BPHL: variants seen among roughly 807,000 people sequenced by gnomAD.
The protein encoded by BPHL is biphenyl hydrolase like, also known as serine hydrolase BPHL.
Under a neutral mutation model 31.2 loss-of-function variants are expected in BPHL, and 27 were observed. The observed-to-expected ratio is 0.87, with a 90% CI of 0.64 to 1.19. The LOEUF (loss-of-function observed/expected upper bound fraction) is 1.19, where lower values mean the gene tolerates loss of function less well. Ranked by LOEUF, BPHL falls within the 50% of genes most tolerant of loss-of-function variation. BPHL has a pLI of 0.00. For missense variants in BPHL, 356 were observed against 375.7 expected (o/e 0.95, Z 0.43); for synonymous variants, 150 against 146.8 (o/e 1.02, Z -0.16).
rs1327441815 is a variant in BPHL, at chr6:3,119,609, G to C, written c.107+762G>C. ...GAGATACTGGGCAGAAATGTGGATA[G>C]AGCGGCATGAAGCTTGTTTTACTTT... is the stretch of plus-strand genomic sequence containing the variant. On this transcript the variant is annotated intron_variant, in intron 1 of 6. Coordinates refer to ENST00000380379, the MANE Select transcript of BPHL (RefSeq NM_004332.4). 4.6e-6 allele frequency: 7 copies of C among 1,507,114 alleles called. No individual in the cohort carries two copies. The African/African-American group carries it at 9.8e-5, about 21-fold the overall frequency. 93.4% of individuals were successfully genotyped at this position (1,507,114 alleles called of 1,614,324 possible). A position where few individuals can be genotyped will look rare whatever the true frequency, so the allele number is the denominator to read the frequency against.
Position 3,140,130 on chromosome 6 carries a change from G to A in BPHL, c.665-256G>A, listed in dbSNP as rs561376370. The A allele has an allele frequency of 1.1e-4, 55 of 494,156 alleles. No individual in the cohort carries two copies. The highest frequency in any genetic ancestry group is 8.8e-4 in the African/African-American group (45 of 51,364). 30.6% of individuals were successfully genotyped at this position (494,156 alleles called of 1,614,324 possible). ...ATTTGATTTTCCTACTATTTTATGC[G>A]AATTTAAATCAGGCTGCTTATTTAC... is the stretch of plus-strand genomic sequence containing the variant. On this transcript the variant is annotated intron_variant, in intron 5 of 6. Transcript: ENST00000380379. The surrounding 1 kb of genome is among the most constrained non-coding windows in gnomAD (Gnocchi z 5.2).
chr6:3,152,250 G>A (rs545363662), intron 6 of BPHL, among the ~76,000 whole-genome samples: 1 of 152,296 alleles, frequency 6.6e-6, no homozygotes, highest in South Asian at 2.1e-4. Context: ...ATGTGTGTCT[G>A]CTACTGTTAA....
At chr6:3,146,038 G>GT (rs1441760146) in intron 6 of BPHL, among the ~76,000 whole-genome samples, 1 of 54,298 alleles carries the variant, frequency 1.8e-5, no homozygotes, top group Non-Finnish European at 4.4e-5. Flanking sequence ...GCTGGTTCGG[G>GT]TGGAGTGCTG....
intron 1 of BPHL, 73 bp downstream of exon 1, chr6:3,118,920 C>T (rs887354480): frequency 1.7e-6 from 2 of 1,163,866 alleles, no homozygotes; most frequent in African/African-American, 3.2e-5. Flanking sequence ...GGGCGCGTGC[C>T]GACAGCAGGA....
chr6:3,140,393 CT>C lies in BPHL; in HGVS notation c.673del (p.Cys225AlafsTer13), dbSNP rs763146466. ...GTGCTGTGTATCCGTCAGGTAACATCTGCCGGCACCTGCTGCCCCGGGTCCA... is the reference window on the plus strand; with the variant it reads ...GTGCTGTGTATCCGTCAGGTAACATCGCCGGCACCTGCTGCCCCGGGTCCA... ...QFKHLPDGNI[C>X]RHLLPRVQCP... On this transcript the variant is annotated frameshift_variant, in exon 6 of 7. Coordinates refer to ENST00000380379, the MANE Select transcript of BPHL (RefSeq NM_004332.4). LOFTEE classifies it high-confidence loss of function. The surrounding 1 kb of genome is among the most constrained non-coding windows in gnomAD (Gnocchi z 5.2). The C allele has an allele frequency of 1.2e-6, 2 of 1,614,166 alleles. No homozygotes were observed. Among genetic ancestry groups the C allele is most frequent in the South Asian group, 2.2e-5 (2 of 91,076 alleles).
intron 1 of BPHL, chr6:3,119,375 A>C: frequency 6.3e-7 from 1 of 1,587,556 alleles, no homozygotes; most frequent in Non-Finnish European, 8.6e-7. Context: ...TCGTACCTTA[A>C]TGTGCAAAAG....
At chr6:3,143,759 G>A (rs1762240060) in intron 6 of BPHL, among the ~76,000 whole-genome samples, 1 of 152,212 alleles carries the variant, frequency 6.6e-6, no homozygotes, top group Non-Finnish European at 1.5e-5. Context: ...AGATGCTGGG[G>A]GTCAGGATCT....
chr6:3,130,210 G>A (rs1035752232), intron 4 of BPHL, among the ~76,000 whole-genome samples: 5 of 152,186 alleles, frequency 3.3e-5, no homozygotes, highest in African/African-American at 1.2e-4. Flanking sequence ...AATCGAGGTG[G>A]CTAGTGCTGT....
intron 6 of BPHL, among the ~76,000 whole-genome samples, chr6:3,146,706 TC>T (rs1193744077): frequency 7.0e-6 from 1 of 142,008 alleles, no homozygotes; most frequent in African/African-American, 2.8e-5. Context: ...CTGATTTGGG[TC>T]GGAGTGCTGG....
intron 2 of BPHL, 37 bp from the exon 3 acceptor site, chr6:3,127,205 A>G (rs985073613): frequency 1.4e-6 from 2 of 1,426,386 alleles, no homozygotes; most frequent in Non-Finnish European, 1.9e-6. Flanking sequence ...TGATAGTGAA[A>G]GCGATCACCT....
At chr6:3,129,452 A>G (rs1761808166) in intron 4 of BPHL, among the ~76,000 whole-genome samples, 1 of 152,252 alleles carries the variant, frequency 6.6e-6, no homozygotes, top group African/African-American at 2.4e-5. Context: ...TCTATTTACT[A>G]CTACTGATAA....
At chr6:3,127,030 C>G in intron 2 of BPHL, 1 of 371,338 alleles carries the variant, frequency 2.7e-6, no homozygotes, top group Non-Finnish European at 4.8e-6. Flanking sequence ...CTCGGCCTCC[C>G]AAAGTGCTAG....
At chr6:3,128,357 G>T (rs551134801) in intron 3 of BPHL, among the ~76,000 whole-genome samples, 2 of 152,286 alleles carry the variant, frequency 1.3e-5, no homozygotes, top group African/African-American at 4.8e-5. Context: ...CATTTTGCAG[G>T]ATAGTGCCAC....
At chr6:3,145,905 T>C in intron 6 of BPHL, among the ~76,000 whole-genome samples, 1 of 61,496 alleles carries the variant, frequency 1.6e-5, no homozygotes. Context: ...GGTCGAGTGC[T>C]GGTTTGGGTT....
At chr6:3,145,616 C>CG (rs1266861028) in intron 6 of BPHL, among the ~76,000 whole-genome samples, 1 of 14,946 alleles carries the variant, frequency 6.7e-5, no homozygotes, top group African/African-American at 2.6e-4. Flanking sequence ...TGGTTTGGGT[C>CG]GAGTGCTGGT....
At chr6:3,137,560 C>G (rs993251830) in intron 5 of BPHL, 67 bp downstream of exon 5, 1 of 1,592,878 alleles carries the variant, frequency 6.3e-7, no homozygotes, top group Admixed American at 1.7e-5. Context: ...CCCCAGTGTT[C>G]TGGAATTGCT....
Position 3,140,576 on chromosome 6 carries a change from A to G in BPHL, c.788+67A>G. 1 of 1,599,054 alleles carries G rather than the reference A, an allele frequency of 6.3e-7. No homozygotes were observed. ...GGAGTCAATGGGCAAAGCTACTGGAAGGAAAATAACCAAGAGGAGTTGGAG... is the reference window on the plus strand; with the variant it reads ...GGAGTCAATGGGCAAAGCTACTGGAGGGAAAATAACCAAGAGGAGTTGGAG... On this transcript the variant is annotated intron_variant, in intron 6 of 6. Coordinates refer to ENST00000380379, the MANE Select transcript of BPHL (RefSeq NM_004332.4). The surrounding 1 kb of genome is among the most constrained non-coding windows in gnomAD (Gnocchi z 5.2).
upstream of BPHL, chr6:3,118,386 G>A (rs947409041): frequency 3.8e-5 from 8 of 208,264 alleles, no homozygotes; most frequent in African/African-American, 9.2e-5. Context: ...GACGCAGCGA[G>A]GGCGCTATGG....
Position 3,119,525 on chromosome 6 carries a change from CA to C in BPHL, c.107+685del, listed in dbSNP as rs546638701. 149 of 1,612,884 alleles carry C rather than the reference CA, an allele frequency of 9.2e-5. 1 individual carries two copies. In the South Asian group the frequency reaches 1.4e-3, roughly 15 times the overall value. On this transcript the variant is annotated intron_variant, in intron 1 of 6. Coordinates refer to ENST00000380379, the MANE Select transcript of BPHL (RefSeq NM_004332.4). Reference sequence around the variant, plus strand: ...CCCCCCATTTCAGGTAAAACAATAACAAAAAAACTGGATTAATTTCTGACCT... The same window carrying C: ...CCCCCCATTTCAGGTAAAACAATAACAAAAAACTGGATTAATTTCTGACCT...
Sources: allele counts gnomAD v4.1 joint callset (sites outside exome capture counted in the v4.1 genomes callset), GRCh38; gene constraint gnomAD v4.1.1; non-coding constraint Gnocchi (gnomAD v3.1); transcripts MANE v1.5; gene names NCBI Gene and HGNC (gene_info 2026-07-23, HGNC 2026-07-21).